Variants in FBXO34 observed in about 807,000 individuals in gnomAD.
FBXO34 encodes the protein F-box protein 34.
A neutral mutation model predicts 24.5 loss-of-function variants in FBXO34; 12 were observed. That is an observed-to-expected ratio of 0.49 (90% CI 0.31 to 0.79). The LOEUF (loss-of-function observed/expected upper bound fraction) is 0.79, where lower values mean the gene tolerates loss of function less well. Among genes scored for constraint, FBXO34 ranks in the 30% least tolerant of loss-of-function variants. The pLI is 0.04. For synonymous variants in FBXO34, 320 were observed against 311.9 expected (o/e 1.03, Z -0.27); for missense variants, 823 against 857.7 (o/e 0.96, Z 0.51).
chr14:55,394,655 C>A, the FBXO34 span, among the ~76,000 whole-genome samples: 4 of 152,156 alleles, frequency 2.6e-5, no homozygotes, highest in Non-Finnish European at 4.4e-5. Flanking sequence ...TCACAGAGTG[C>A]ACGAAATTCT....
chr14:55,310,737 CAT>C (rs917795206), intron 1 of FBXO34, among the ~76,000 whole-genome samples: 23 of 152,126 alleles, frequency 1.5e-4, no homozygotes, highest in African/African-American at 2.7e-4. Flanking sequence ...TAAGTGAAAA[CAT>C]GTGTATCTGC....
At position 55,294,049 on chromosome 14, in the gene FBXO34, A is replaced by C. The variant is rs1442839526; in HGVS notation, c.-11+22512A>C. 2.0e-5 allele frequency among the ~76,000 whole-genome samples: 3 copies of C among 151,956 alleles called. No individual in the cohort carries two copies. In the East Asian group the frequency reaches 5.8e-4, roughly 29 times the overall value. On this transcript the variant is annotated intron_variant, in intron 1 of 1. Transcript: ENST00000313833. ...AAATCTTCATTCCTTACCTCCTTAA[A>C]ATGTTTTCTCATCTATCACCTTCTT...
chr14:55,421,434 C>T, the FBXO34 span, among the ~76,000 whole-genome samples: 1 of 152,136 alleles, frequency 6.6e-6, no homozygotes, highest in South Asian at 2.1e-4. Context: ...TCAAAACGTT[C>T]TTGGATTCCA....
At chr14:55,376,496 A>G in the FBXO34 span, among the ~76,000 whole-genome samples, 91 of 152,342 alleles carry the variant, frequency 6.0e-4, 1 homozygote, top group Admixed American at 2.3e-3. Flanking sequence ...GTATATGTGC[A>G]GTTTCCTGGC....
chr14:55,350,214 C>A (rs1884300392), intron 1 of FBXO34, among the ~76,000 whole-genome samples, 167 bp from the exon 2 acceptor site: 1 of 148,788 alleles, frequency 6.7e-6, no homozygotes, highest in Admixed American at 6.7e-5. Context: ...GTTTGTTATT[C>A]TTGATATGTG....
the FBXO34 span, chr14:55,385,928 AG>A: frequency 1.9e-6 from 3 of 1,614,178 alleles, no homozygotes; most frequent in Non-Finnish European, 2.5e-6. Context: ...GGATCGTCGA[AG>A]ATTTGCCAGA....
chr14:55,337,002 G>C (rs1187202155), intron 1 of FBXO34, among the ~76,000 whole-genome samples: 1 of 140,712 alleles, frequency 7.1e-6, no homozygotes. Context: ...TTTTGAGACA[G>C]TCTCACTCTG....
At chr14:55,442,297 G>A in the FBXO34 span, among the ~76,000 whole-genome samples, 4 of 150,980 alleles carry the variant, frequency 2.6e-5, no homozygotes, top group Non-Finnish European at 5.9e-5. Context: ...GCCGAGGCAG[G>A]AGAATTTCTT....
At chr14:55,315,045 A>C (rs1412256864) in intron 1 of FBXO34, among the ~76,000 whole-genome samples, 6 of 152,254 alleles carry the variant, frequency 3.9e-5, no homozygotes, top group Non-Finnish European at 8.8e-5. Context: ...ATCCCCAGGA[A>C]TGTTTTTGTC....
chr14:55,397,741 C>T, the FBXO34 span, among the ~76,000 whole-genome samples: 1 of 152,156 alleles, frequency 6.6e-6, no homozygotes, highest in African/African-American at 2.4e-5. Flanking sequence ...AATTTGAATT[C>T]AAGGAAATTG....
chr14:55,429,993 A>C, the FBXO34 span, among the ~76,000 whole-genome samples: 1 of 152,018 alleles, frequency 6.6e-6, no homozygotes, highest in Non-Finnish European at 1.5e-5. Flanking sequence ...AATTCAATTC[A>C]AACTCAACAC....
At chr14:55,305,817 C>T (rs1882525400) in intron 1 of FBXO34, among the ~76,000 whole-genome samples, 1 of 152,170 alleles carries the variant, frequency 6.6e-6, no homozygotes, top group African/African-American at 2.4e-5. Flanking sequence ...CACATTTCTC[C>T]CGGTTACTGC....
At chr14:55,323,234 T>TTA (rs1319204253) in intron 1 of FBXO34, among the ~76,000 whole-genome samples, 12,008 of 69,322 alleles carry the variant, frequency 0.17, 2,550 homozygotes, top group Non-Finnish European at 0.22. Context: ...TATTTTTTTT[T>TTA]TTTTTTTTTT....
intron 1 of FBXO34, among the ~76,000 whole-genome samples, chr14:55,291,339 A>G (rs1881939090): frequency 6.6e-6 from 1 of 152,216 alleles, no homozygotes; most frequent in Non-Finnish European, 1.5e-5. Context: ...CATACTGATG[A>G]TACCTAGAAA....
the FBXO34 span, among the ~76,000 whole-genome samples, chr14:55,393,065 C>A: frequency 6.6e-6 from 1 of 152,172 alleles, no homozygotes; most frequent in South Asian, 2.1e-4. Context: ...GCAAAATTCA[C>A]TTCTATCACA....
intron 1 of FBXO34, among the ~76,000 whole-genome samples, chr14:55,283,944 A>ATGTGTGTGTGTGTGTGTGTGTG (rs71131258): frequency 1.4e-5 from 2 of 142,588 alleles, no homozygotes; most frequent in Non-Finnish European, 3.0e-5. Flanking sequence ...TTCTAAGACT[A>ATGTGTGTGTGTGTGTGTGTGTG]TGTGTGTGTG....
At chr14:55,426,957 C>T in the FBXO34 span, among the ~76,000 whole-genome samples, 198 of 151,938 alleles carry the variant, frequency 1.3e-3, no homozygotes, top group South Asian at 5.0e-3. Flanking sequence ...ACATCATTTT[C>T]GAGCCCTGAA....
At chr14:55,344,578 G>A (rs1372278505) in intron 1 of FBXO34, among the ~76,000 whole-genome samples, 2 of 149,056 alleles carry the variant, frequency 1.3e-5, no homozygotes, top group Non-Finnish European at 3.0e-5. Flanking sequence ...TAAGTTCTGG[G>A]ATACATGTGC....
At chr14:55,331,671 GTATATATATATATGTGTA>G (rs1883545340) in intron 1 of FBXO34, among the ~76,000 whole-genome samples, 1 of 45,566 alleles carries the variant, frequency 2.2e-5, no homozygotes, top group Admixed American at 2.0e-4. Context: ...CATGGTGTGT[GTATATATATATATGTGTA>G]TATATATATA....
Sources: allele counts gnomAD v4.1 joint callset (sites outside exome capture counted in the v4.1 genomes callset), GRCh38; gene constraint gnomAD v4.1.1; transcripts MANE v1.5; gene names NCBI Gene and HGNC (gene_info 2026-07-23, HGNC 2026-07-21).